The following PTBP3 variants were observed in gnomAD, a reference collection of about 807,000 sequenced individuals.
PTBP3 encodes polypyrimidine tract binding protein 3.
Under a neutral mutation model 58.7 loss-of-function variants are expected in PTBP3, and 20 were observed. That is an observed-to-expected ratio of 0.34 (90% CI 0.24 to 0.50). PTBP3 has a LOEUF of 0.50. Among genes scored for constraint, PTBP3 ranks in the 20% least tolerant of loss-of-function variants. PTBP3 has a pLI of 0.98. For synonymous variants in PTBP3, 185 were observed against 219.8 expected (o/e 0.84, Z 1.40); for missense variants, 509 against 637.2 (o/e 0.80, Z 2.17).
chr9:112,330,188 C>A (rs1391042986), intron 1 of PTBP3, among the ~76,000 whole-genome samples: 2 of 152,086 alleles, frequency 1.3e-5, no homozygotes, highest in African/African-American at 4.8e-5. Flanking sequence ...TAAAACAAAG[C>A]AAACAAAAAG....
Position 112,252,802 on chromosome 9 carries a change from C to T in PTBP3, c.517-14G>A, listed in dbSNP as rs756009948. 6 of 1,401,462 alleles carry T rather than the reference C, an allele frequency of 4.3e-6. No individual in the cohort carries two copies. The South Asian group carries it at 7.1e-5, about 16-fold the overall frequency. The allele number at this position is 1,401,462 out of a possible 1,614,324, so 86.8% of individuals were successfully genotyped here. A position where few individuals can be genotyped will look rare whatever the true frequency, so the allele number is the denominator to read the frequency against. ...TTTAGAAAATATCTGGAAAACAGTT[C>T]ACATTAGGTTAAATGTAAAAGAAAA... On this transcript the variant is annotated splice_polypyrimidine_tract_variant and intron_variant, in intron 5 of 13. Transcript: ENST00000374257.
chr9:112,239,192 G>A (rs1238084741), intron 7 of PTBP3, among the ~76,000 whole-genome samples: 1 of 152,108 alleles, frequency 6.6e-6, no homozygotes, highest in East Asian at 1.9e-4. Context: ...TAAAAATCTA[G>A]ATAAAAACAG....
At chr9:112,332,995 G>A in intron 1 of PTBP3, 1 of 1,294,118 alleles carries the variant, frequency 7.7e-7, no homozygotes, top group African/African-American at 1.5e-5. Flanking sequence ...GTACCGACGC[G>A]TGCACCCGCC....
intron 2 of PTBP3, among the ~76,000 whole-genome samples, chr9:112,287,800 C>T (rs945422360): frequency 6.6e-6 from 1 of 151,962 alleles, no homozygotes; most frequent in South Asian, 2.1e-4. Flanking sequence ...TTTCTCCTTC[C>T]TATGCTCATA....
chr9:112,238,240 T>G (rs984025659), intron 7 of PTBP3, among the ~76,000 whole-genome samples: 2 of 152,104 alleles, frequency 1.3e-5, no homozygotes, highest in Non-Finnish European at 1.5e-5. Flanking sequence ...AAATCTGTAG[T>G]ACAGGAGACA....
intron 1 of PTBP3, among the ~76,000 whole-genome samples, chr9:112,327,581 A>G (rs1830209403): frequency 6.6e-6 from 1 of 152,170 alleles, no homozygotes; most frequent in South Asian, 2.1e-4. Context: ...ACATGAAGAA[A>G]TAGAACAAAT....
At chr9:112,246,312 A>G (rs1401382192) in intron 7 of PTBP3, among the ~76,000 whole-genome samples, 3 of 152,088 alleles carry the variant, frequency 2.0e-5, no homozygotes, top group East Asian at 3.8e-4. Flanking sequence ...ATAAAATGCT[A>G]GCTAATAAAG....
chr9:112,322,574 T>C (rs915612722), intron 1 of PTBP3, among the ~76,000 whole-genome samples: 2 of 152,206 alleles, frequency 1.3e-5, no homozygotes, highest in Non-Finnish European at 2.9e-5. Context: ...CTAGCCAGAA[T>C]AACATAAAAC....
chr9:112,335,599 CT>C (rs113253430), upstream of PTBP3, among the ~76,000 whole-genome samples: 568 of 102,708 alleles, frequency 5.5e-3, 35 homozygotes, highest in East Asian at 0.15. Context: ...TACCATTTTT[CT>C]TTTTTTTTTT....
Position 112,275,834 on chromosome 9 carries a change from T to C in PTBP3, c.204+10A>G. On this transcript the variant is annotated intron_variant, in intron 3 of 13. Transcript: ENST00000374257. ...TAATCACTCTTTGTCAATCTTTAAA[T>C]ATTACATACCTGGCTTTTTCCTTTC... 6.3e-7 allele frequency: 1 copy of C among 1,593,592 alleles called. No individual in the cohort carries two copies. Among genetic ancestry groups the C allele is most frequent in the Non-Finnish European group, 8.6e-7 (1 of 1,163,260 alleles).
the PTBP3 span, among the ~76,000 whole-genome samples, chr9:112,340,607 G>C: frequency 4.6e-5 from 7 of 152,240 alleles, no homozygotes; most frequent in Middle Eastern, 3.4e-3. Context: ...TTAGGGCCGG[G>C]TGCAGTGGCT....
the PTBP3 span, among the ~76,000 whole-genome samples, chr9:112,346,483 T>C: frequency 1.3e-5 from 2 of 152,016 alleles, no homozygotes; most frequent in East Asian, 3.9e-4. Flanking sequence ...TATAAAAACT[T>C]GATGTAGGAC....
At chr9:112,261,380 G>A (rs1221000129) in intron 5 of PTBP3, among the ~76,000 whole-genome samples, 1 of 152,166 alleles carries the variant, frequency 6.6e-6, no homozygotes, top group Non-Finnish European at 1.5e-5. Context: ...GAGCTCTATC[G>A]CCAATTGGTA....
intron 1 of PTBP3, among the ~76,000 whole-genome samples, chr9:112,326,731 T>C (rs1033446627): frequency 6.6e-6 from 1 of 152,172 alleles, no homozygotes; most frequent in African/African-American, 2.4e-5. Flanking sequence ...ATAACCAGGA[T>C]TATGAGGAAT....
rs554121727 is a variant in PTBP3, at chr9:112,311,391, C to T, written c.-51-13475G>A. Among the ~76,000 whole-genome samples the T allele has an allele frequency of 1.3e-4, 19 of 151,990 alleles. No homozygotes were observed. In the South Asian group the frequency reaches 4.0e-3, roughly 32 times the overall value. ...TAGCATTAAATCGTATTATAAATAA[C>T]CTAGAGATGACTTAAAGTATTCAGA... On this transcript the variant is annotated intron_variant, in intron 1 of 13. Coordinates refer to ENST00000374257, the MANE Select transcript of PTBP3 (RefSeq NM_001163788.4).
the PTBP3 span, among the ~76,000 whole-genome samples, chr9:112,347,729 A>G: frequency 6.6e-6 from 1 of 152,216 alleles, no homozygotes; most frequent in Non-Finnish European, 1.5e-5. Flanking sequence ...ACATATACAT[A>G]TGTATAGACA....
At chr9:112,226,111 T>C (rs1187841453) in intron 12 of PTBP3, among the ~76,000 whole-genome samples, 1 of 152,006 alleles carries the variant, frequency 6.6e-6, no homozygotes, top group African/African-American at 2.4e-5. Flanking sequence ...CAGTATCTAA[T>C]TGTTGTCCAT....
the PTBP3 span, among the ~76,000 whole-genome samples, chr9:112,366,452 G>A: frequency 6.6e-6 from 1 of 152,068 alleles, no homozygotes; most frequent in Non-Finnish European, 1.5e-5. Context: ...GCAGCCTAGG[G>A]ACTTGGCACC....
At chr9:112,330,372 A>C in intron 1 of PTBP3, 1 of 1,163,876 alleles carries the variant, frequency 8.6e-7, no homozygotes, top group Admixed American at 2.3e-5. Context: ...TAATTTTATG[A>C]ACAGGTGAGA....
Sources: allele counts gnomAD v4.1 joint callset (sites outside exome capture counted in the v4.1 genomes callset), GRCh38; gene constraint gnomAD v4.1.1; transcripts MANE v1.5; gene names NCBI Gene and HGNC (gene_info 2026-07-23, HGNC 2026-07-21).